Variants in EPB41L5 observed in about 807,000 individuals in gnomAD.
EPB41L5 encodes band 4.1-like protein 5.
Under a neutral mutation model 106.6 loss-of-function variants are expected in EPB41L5, and 55 were observed. The ratio of observed to expected loss-of-function variants is 0.52; its 90% CI spans 0.42 to 0.65. The LOEUF (loss-of-function observed/expected upper bound fraction) is 0.65. Among genes scored for constraint, EPB41L5 ranks in the 30% least tolerant of loss-of-function variants. The pLI is 0.00. For synonymous variants in EPB41L5, 297 were observed against 306.7 expected, an observed-to-expected ratio of 0.97 and a Z score of 0.33; for missense variants, 871 against 882.1, an observed-to-expected ratio of 0.99 and a Z score of 0.16.
chr2:120,025,648 T>C (rs1678257882), intron 2 of EPB41L5, among the ~76,000 whole-genome samples: 1 of 152,208 alleles, frequency 6.6e-6, no homozygotes. Flanking sequence ...TACTTTTAAA[T>C]ACATGAACAC....
At chr2:120,015,398 G>A (rs1028258759) in intron 1 of EPB41L5, among the ~76,000 whole-genome samples, 7 of 151,490 alleles carry the variant, frequency 4.6e-5, no homozygotes, top group Non-Finnish European at 8.8e-5. Context: ...CAACAGTTCC[G>A]CCTTAGCCTC....
chr2:120,119,079 ATGATCAG>A (rs1320423484), intron 16 of EPB41L5, among the ~76,000 whole-genome samples: 1 of 152,014 alleles, frequency 6.6e-6, no homozygotes, highest in Non-Finnish European at 1.5e-5. Flanking sequence ...CATTTCTCTA[ATGATCAG>A]TGATGTTGAG....
intron 11 of EPB41L5, 101 bp from the exon 12 acceptor site, chr2:120,090,246 A>C: frequency 1.1e-6 from 1 of 941,962 alleles, no homozygotes; most frequent in Non-Finnish European, 1.6e-6. Context: ...TTCAGGGAGC[A>C]CACTAGATCC....
At chr2:120,077,355 C>T in intron 9 of EPB41L5, 39 bp downstream of exon 9, 3 of 1,567,212 alleles carry the variant, frequency 1.9e-6, no homozygotes, top group South Asian at 2.3e-5. Flanking sequence ...AAAATTTATT[C>T]TTTGGAGGTT....
chr2:120,144,445 T>C (rs556076765), intron 19 of EPB41L5, among the ~76,000 whole-genome samples: 1 of 152,326 alleles, frequency 6.6e-6, no homozygotes, highest in African/African-American at 2.4e-5. Context: ...AATCATTACC[T>C]TACATTTCAG....
chr2:120,019,754 A>G (rs1306665573), intron 2 of EPB41L5, among the ~76,000 whole-genome samples: 1 of 152,218 alleles, frequency 6.6e-6, no homozygotes, highest in African/African-American at 2.4e-5. Flanking sequence ...ACTTGCAGAC[A>G]TTAATGAGGT....
intron 16 of EPB41L5, among the ~76,000 whole-genome samples, chr2:120,124,639 T>C (rs535593138): frequency 7.2e-5 from 11 of 152,238 alleles, no homozygotes; most frequent in Non-Finnish European, 1.5e-4. Context: ...TTACCTAATA[T>C]ACAGTACCTA....
intron 14 of EPB41L5, among the ~76,000 whole-genome samples, chr2:120,099,678 A>G (rs941710843): frequency 1.3e-5 from 2 of 152,126 alleles, no homozygotes; most frequent in Admixed American, 6.6e-5. Context: ...CGCCCACCTC[A>G]GCCTCCCAAA....
chr2:120,097,117 G>C (rs1391633023), intron 14 of EPB41L5, among the ~76,000 whole-genome samples: 1 of 152,132 alleles, frequency 6.6e-6, no homozygotes, highest in African/African-American at 2.4e-5. Flanking sequence ...AACTTTAATG[G>C]CTAAATGTTG....
intron 16 of EPB41L5, among the ~76,000 whole-genome samples, chr2:120,124,625 A>G (rs976285852): frequency 1.5e-4 from 23 of 152,190 alleles, no homozygotes; most frequent in African/African-American, 5.6e-4. Context: ...TTGATATGGT[A>G]CTGTTACCTA....
intron 18 of EPB41L5, among the ~76,000 whole-genome samples, chr2:120,137,262 G>C (rs1685965658): frequency 6.6e-6 from 1 of 151,900 alleles, no homozygotes; most frequent in African/African-American, 2.4e-5. Context: ...CATCACAAAA[G>C]TAGAACAATT....
chr2:120,080,741 C>G (rs1402817322), intron 10 of EPB41L5, among the ~76,000 whole-genome samples: 1 of 152,188 alleles, frequency 6.6e-6, no homozygotes, highest in Non-Finnish European at 1.5e-5. Context: ...AAAAGTGTTC[C>G]TGTGTCTCCA....
chr2:120,028,853 A>G (rs2105160803), intron 2 of EPB41L5, among the ~76,000 whole-genome samples: 1 of 152,336 alleles, frequency 6.6e-6, no homozygotes, highest in South Asian at 2.1e-4. Flanking sequence ...GCTGTCATGA[A>G]GAGAGAAAAA....
chr2:120,093,392 G>A (rs370558287), intron 14 of EPB41L5, 116 bp downstream of exon 14: 13 of 822,362 alleles, frequency 1.6e-5, no homozygotes, highest in African/African-American at 1.7e-5. Context: ...AAAGCACCAG[G>A]GATATGTCAG....
chr2:120,042,909 G>A (rs1482938310), intron 3 of EPB41L5, among the ~76,000 whole-genome samples: 2 of 151,786 alleles, frequency 1.3e-5, no homozygotes, highest in South Asian at 2.1e-4. Context: ...TAGGATAAAA[G>A]TAATATTAAG....
intron 1 of EPB41L5, among the ~76,000 whole-genome samples, chr2:120,014,406 G>C (rs1203317683): frequency 1.3e-5 from 2 of 152,188 alleles, no homozygotes; most frequent in Non-Finnish European, 2.9e-5. Context: ...GCGAGATGCG[G>C]GTTAAGCCAG....
chr2:120,025,678 T>G (rs1678260591), intron 2 of EPB41L5, among the ~76,000 whole-genome samples: 1 of 152,232 alleles, frequency 6.6e-6, no homozygotes, highest in Admixed American at 6.5e-5. Flanking sequence ...TTCATGAATT[T>G]GAAGACTTAA....
At chr2:120,077,147 TCATTTTCTTCTGTTTC>T in intron 8 of EPB41L5, 56 bp downstream of exon 8, 1 of 1,589,388 alleles carries the variant, frequency 6.3e-7, no homozygotes, top group Non-Finnish European at 8.6e-7. Flanking sequence ...TATTTCATAT[TCATTTTCTTCTGTTTC>T]TATCCTTGGT....
At chr2:120,095,707 C>T (rs745918374) in intron 14 of EPB41L5, among the ~76,000 whole-genome samples, 1 of 151,900 alleles carries the variant, frequency 6.6e-6, no homozygotes, top group Admixed American at 6.6e-5. Flanking sequence ...CTTGCTCTAT[C>T]GCTCAGGTTG....
Sources: allele counts gnomAD v4.1 joint callset (sites outside exome capture counted in the v4.1 genomes callset), GRCh38; gene constraint gnomAD v4.1.1; transcripts MANE v1.5; gene names NCBI Gene and HGNC (gene_info 2026-07-23, HGNC 2026-07-21).